CHL1: variants seen among roughly 807,000 people sequenced by gnomAD.
CHL1 encodes cell adhesion molecule L1 like.
CHL1 carries 96 observed loss-of-function variants against 141.9 expected under a neutral mutation model. That is an observed-to-expected ratio of 0.68 (90% CI 0.57 to 0.80). The LOEUF (loss-of-function observed/expected upper bound fraction) is 0.80, where lower values mean the gene tolerates loss of function less well. CHL1 is among the 30% of genes least tolerant of loss of function. The pLI is 0.00. For synonymous variants in CHL1, 613 were observed against 502.2 expected, an observed-to-expected ratio of 1.22 and a Z score of -2.95; for missense variants, 1,820 against 1,457.2, an observed-to-expected ratio of 1.25 and a Z score of -4.05.
At chr3:349,222 T>C in intron 9 of CHL1, 137 bp from the exon 10 acceptor site, 1 of 694,924 alleles carries the variant, frequency 1.4e-6, no homozygotes, top group Non-Finnish European at 2.4e-6. Flanking sequence ...GTCTGTCCAC[T>C]GGTAAGGATG....
chr3:340,835 G>A lies in CHL1; in HGVS notation c.427G>A (p.Val143Met), dbSNP rs867511209. 1.2e-6 allele frequency: 2 copies of A among 1,612,014 alleles called. No individual in the cohort carries two copies. Among genetic ancestry groups the A allele is most frequent in the South Asian group, 2.2e-5 (2 of 90,908 alleles). ...FPKEKIDPLE[V>M]EEGDPIVLPC... is the part of the protein sequence containing the mutation. ...AAAAGAAAAAATTGACCCTCTTGAA[G>A]TGGAGGAGGGAGATCCAATTGTCCT... The change falls in exon 6 of 28, where the codon GTG (valine) becomes ATG (methionine). Residue 143 changes from valine (V) to methionine (M), a missense_variant. Physicochemically the swap from Val to Met is conservative, Grantham distance 21 (BLOSUM62 1). Coordinates refer to ENST00000256509, the MANE Select transcript of CHL1 (RefSeq NM_006614.4).
At chr3:382,149 A>T (rs781365608) in intron 16 of CHL1, 30 bp from the exon 17 acceptor site, 9 of 1,566,422 alleles carry the variant, frequency 5.7e-6, no homozygotes, top group Non-Finnish European at 7.9e-6. Flanking sequence ...AAAGGCAATT[A>T]TCTACATTTT....
At chr3:382,088 C>A (rs983514168) in intron 16 of CHL1, 91 bp from the exon 17 acceptor site, 2 of 1,086,466 alleles carry the variant, frequency 1.8e-6, no homozygotes, top group East Asian at 5.0e-5. Flanking sequence ...GTGGTACCTC[C>A]TCTGTCTCCG....
At chr3:341,721 T>C (rs956698413) in intron 6 of CHL1, among the ~76,000 whole-genome samples, 191 bp from the exon 7 acceptor site, 2 of 152,110 alleles carry the variant, frequency 1.3e-5, no homozygotes, top group Admixed American at 6.6e-5. Flanking sequence ...TCCCAAGGGT[T>C]TTGCTGCTGT....
At chr3:254,049 G>GC (rs1172347469) in intron 2 of CHL1, among the ~76,000 whole-genome samples, 1 of 152,184 alleles carries the variant, frequency 6.6e-6, no homozygotes, top group Non-Finnish European at 1.5e-5. Flanking sequence ...CTGGTTCTCT[G>GC]CTCAGACCGA....
At chr3:376,113 G>T (rs1706282764) in intron 15 of CHL1, among the ~76,000 whole-genome samples, 1 of 152,222 alleles carries the variant, frequency 6.6e-6, no homozygotes, top group Non-Finnish European at 1.5e-5. Flanking sequence ...CAAGTGTTAT[G>T]AGAGTAGAAA....
At chr3:377,405 T>C (rs1206976283) in intron 15 of CHL1, among the ~76,000 whole-genome samples, 3 of 152,168 alleles carry the variant, frequency 2.0e-5, no homozygotes, top group Non-Finnish European at 4.4e-5. Context: ...GGAATGGAGA[T>C]GGAATTCAGG....
chr3:201,154 T>G (rs1395935811), intron 1 of CHL1, among the ~76,000 whole-genome samples: 1 of 152,212 alleles, frequency 6.6e-6, no homozygotes, highest in Non-Finnish European at 1.5e-5. Context: ...TGAGTTGGAT[T>G]GATCACAAAG....
chr3:358,455 A>T (rs1236001709), intron 11 of CHL1, among the ~76,000 whole-genome samples: 4 of 152,166 alleles, frequency 2.6e-5, no homozygotes, highest in Admixed American at 6.6e-5. Context: ...TCACATCTGC[A>T]AGTCCCTTTT....
In CHL1 at chr3:364,238, TA is replaced by T. The variant is rs1704586787; in HGVS notation, c.1585+858del. ...CATTTGTCTCTTTCTGTGCCCTGAG[TA>T]AATCAGTGTGCCAGCCCCACAGACT... On this transcript the variant is annotated intron_variant, in intron 14 of 27. Transcript: ENST00000256509. Among the ~76,000 whole-genome samples, 4 of 152,258 alleles carry T rather than the reference TA, an allele frequency of 2.6e-5. No individual in the cohort carries two copies. In the South Asian group the frequency reaches 8.3e-4, roughly 32 times the overall value.
chr3:250,398 G>C (rs1313593529), intron 2 of CHL1, among the ~76,000 whole-genome samples: 5 of 152,128 alleles, frequency 3.3e-5, no homozygotes, highest in Admixed American at 3.3e-4. Flanking sequence ...CAAAGGAAAA[G>C]AGATTTAGGC....
At chr3:270,712 T>A (rs1369237715) in intron 2 of CHL1, among the ~76,000 whole-genome samples, 1 of 152,236 alleles carries the variant, frequency 6.6e-6, no homozygotes, top group African/African-American at 2.4e-5. Context: ...CTAAAAGTTT[T>A]AAATGCAATT....
At chr3:230,290 G>T in intron 1 of CHL1, among the ~76,000 whole-genome samples, 1 of 152,076 alleles carries the variant, frequency 6.6e-6, no homozygotes, top group Non-Finnish European at 1.5e-5. Flanking sequence ...TGGCTTTTGT[G>T]TCATTCACAT....
intron 1 of CHL1, among the ~76,000 whole-genome samples, chr3:219,703 A>AG (rs1385403526): frequency 6.6e-6 from 1 of 152,192 alleles, no homozygotes; most frequent in African/African-American, 2.4e-5. Flanking sequence ...TTGAAGGTGG[A>AG]GGGTGGGAGG....
rs9824311 is a variant in CHL1, at chr3:361,605, G to T, written c.1307-94G>T. The T allele has an allele frequency of 6.2e-4, 484 of 774,710 alleles. 2 individuals are homozygous for T. In the African/African-American group the frequency reaches 7.4e-3, roughly 12 times the overall value. 48.0% of individuals were successfully genotyped at this position (774,710 alleles called of 1,614,324 possible). A position where few individuals can be genotyped will look rare whatever the true frequency, so the allele number is the denominator to read the frequency against. ...ACACCATAATATTCTGCTGTTTTCT[G>T]TTTGTATTCGTATGACTAGGACATA... On this transcript the variant is annotated intron_variant, in intron 12 of 27. Coordinates refer to ENST00000256509, the MANE Select transcript of CHL1 (RefSeq NM_006614.4).
intron 2 of CHL1, among the ~76,000 whole-genome samples, chr3:294,588 A>G (rs913945561): frequency 1.3e-5 from 2 of 152,154 alleles, no homozygotes; most frequent in African/African-American, 4.8e-5. Context: ...CACATTCACT[A>G]TTGTTCCTAG....
intron 2 of CHL1, among the ~76,000 whole-genome samples, chr3:283,956 G>A (rs1289505201): frequency 2.6e-5 from 4 of 152,130 alleles, no homozygotes. Flanking sequence ...ATGAATGAAT[G>A]CATTTACATA....
chr3:252,076 T>A (rs1463333653), intron 2 of CHL1, among the ~76,000 whole-genome samples: 1 of 152,018 alleles, frequency 6.6e-6, no homozygotes, highest in Non-Finnish European at 1.5e-5. Context: ...CACCAGAAAT[T>A]TGTGTTACTT....
chr3:376,477 TG>T (rs1398693810), intron 15 of CHL1: 12 of 495,038 alleles, frequency 2.4e-5, no homozygotes, highest in Admixed American at 6.2e-5. Context: ...CACCCAACGT[TG>T]ATTAATTGGA....
Sources: allele counts gnomAD v4.1 joint callset (sites outside exome capture counted in the v4.1 genomes callset), GRCh38; gene constraint gnomAD v4.1.1; transcripts MANE v1.5; gene names NCBI Gene and HGNC (gene_info 2026-07-23, HGNC 2026-07-21).